The following GJC1 variants were observed in gnomAD, a reference collection of about 807,000 sequenced individuals.
GJC1 encodes the protein gap junction protein gamma 1.
In GJC1, 5 loss-of-function variants were observed where a neutral mutation model predicts 29.3. That is an observed-to-expected ratio of 0.17 (90% confidence interval 0.09 to 0.36). The LOEUF (loss-of-function observed/expected upper bound fraction) is 0.36, where lower values mean the gene tolerates loss of function less well. Among genes scored for constraint, GJC1 ranks in the 10% least tolerant of loss-of-function variants. The pLI is 1.00. For synonymous variants in GJC1, 177 were observed against 183.3 expected, an observed-to-expected ratio of 0.97 and a Z score of 0.28; for missense variants, 310 against 496.2, an observed-to-expected ratio of 0.62 and a Z score of 3.56.
chr17:44,815,797 G>A (rs894618218), intron 1 of GJC1, among the ~76,000 whole-genome samples: 3 of 151,766 alleles, frequency 2.0e-5, no homozygotes, highest in Admixed American at 1.3e-4. Flanking sequence ...TTATAGAATC[G>A]TATCAATTCT....
At chr17:44,812,225 T>C (rs919529842) in intron 1 of GJC1, among the ~76,000 whole-genome samples, 2 of 151,962 alleles carry the variant, frequency 1.3e-5, no homozygotes, top group Non-Finnish European at 2.9e-5. Flanking sequence ...AAGCTGAGGC[T>C]GAGGCAGGAG....
chr17:44,821,347 T>C (rs2050103391), intron 1 of GJC1, among the ~76,000 whole-genome samples: 1 of 152,088 alleles, frequency 6.6e-6, no homozygotes, highest in Non-Finnish European at 1.5e-5. Context: ...CAAAAATAAA[T>C]GTATGATTTT....
chr17:44,794,443 T>C (rs1469672917), downstream of GJC1: 1 of 152,268 alleles, frequency 6.6e-6, no homozygotes, highest in Non-Finnish European at 1.5e-5. Flanking sequence ...AGTCAGAAGC[T>C]GAGTCTGTCC....
intron 1 of GJC1, among the ~76,000 whole-genome samples, chr17:44,825,770 G>A (rs1030418537): frequency 2.2e-5 from 3 of 134,462 alleles, no homozygotes; most frequent in African/African-American, 5.5e-5. Context: ...GTGAGACTCA[G>A]TCTCAAAAGA....
downstream of GJC1, among the ~76,000 whole-genome samples, chr17:44,798,010 G>A (rs2049794789): frequency 6.6e-6 from 1 of 152,170 alleles, no homozygotes; most frequent in Non-Finnish European, 1.5e-5. Context: ...TGACTCTGCT[G>A]CCGCAAAGGG....
chr17:44,802,401 G>A lies in GJC1; in HGVS notation c.*2226C>T, dbSNP rs1183985211. The A allele has an allele frequency of 6.6e-6, 1 of 152,188 alleles. No individual in the cohort carries two copies. The highest frequency in any genetic ancestry group is 1.5e-5 in the Non-Finnish European group (1 of 68,040). The allele number at this position is 152,188 out of a possible 1,614,324, so 9.4% of individuals were successfully genotyped here. A position where few individuals can be genotyped will look rare whatever the true frequency, so the allele number is the denominator to read the frequency against. On this transcript the variant is annotated 3_prime_UTR_variant, in exon 3 of 3. Coordinates refer to ENST00000592524, the MANE Select transcript of GJC1 (RefSeq NM_005497.4). ...ATTAAAAAACCTGCTGGAAGCTCCAGTGATGTTAAGAATTAACTGGTAGTT... is the reference window on the plus strand; with the variant it reads ...ATTAAAAAACCTGCTGGAAGCTCCAATGATGTTAAGAATTAACTGGTAGTT...
At chr17:44,830,718 G>C (rs1597769247), upstream of GJC1, 3 of 398,698 alleles carry the variant, frequency 7.5e-6, no homozygotes, top group East Asian at 3.6e-5. This position sits in a 1 kb window ranked among gnomAD's most constrained non-coding sequence, Gnocchi z 4.3. Context: ...TGTAGCACGG[G>C]ATGCTAATGT....
intron 1 of GJC1, among the ~76,000 whole-genome samples, chr17:44,812,435 T>C (rs1159424892): frequency 6.6e-6 from 1 of 152,202 alleles, no homozygotes; most frequent in East Asian, 1.9e-4. Context: ...TATATCCTAC[T>C]GTTCAAGATC....
In GJC1 at chr17:44,804,576, G is replaced by T; in HGVS notation, c.*51C>A. ...CTCAATGGAAGTCATTATTCAGTGA[G>T]CTGCTGCTTACCATAAACTATGAAA... is the stretch of plus-strand genomic sequence containing the variant. On this transcript the variant is annotated 3_prime_UTR_variant, in exon 3 of 3. Coordinates refer to ENST00000592524, the MANE Select transcript of GJC1 (RefSeq NM_005497.4). The T allele has an allele frequency of 7.5e-7, 1 of 1,327,236 alleles. No individual in the cohort carries two copies. Among genetic ancestry groups the T allele is most frequent in the Non-Finnish European group, 1.1e-6 (1 of 944,148 alleles). The allele number at this position is 1,327,236 out of a possible 1,614,324, so 82.2% of individuals were successfully genotyped here. A position where few individuals can be genotyped will look rare whatever the true frequency, so the allele number is the denominator to read the frequency against.
At chr17:44,824,035 G>A (rs1203765353) in intron 1 of GJC1, among the ~76,000 whole-genome samples, 2 of 148,636 alleles carry the variant, frequency 1.3e-5, no homozygotes, top group African/African-American at 2.5e-5. Context: ...TTGAGATGGA[G>A]TCTTGCTCTG....
intron 1 of GJC1, among the ~76,000 whole-genome samples, chr17:44,811,727 G>T (rs1030826734): frequency 6.6e-6 from 1 of 151,998 alleles, no homozygotes; most frequent in African/African-American, 2.4e-5. Flanking sequence ...AAAATAGGCC[G>T]GCGCGGTGGC....
chr17:44,825,051 A>C (rs562517056), intron 1 of GJC1, among the ~76,000 whole-genome samples: 24 of 151,668 alleles, frequency 1.6e-4, no homozygotes, highest in African/African-American at 5.3e-4. Flanking sequence ...TCTTCCAAAA[A>C]AAATTTTAAA....
At chr17:44,823,009 T>G (rs1302749880) in intron 1 of GJC1, among the ~76,000 whole-genome samples, 2 of 151,930 alleles carry the variant, frequency 1.3e-5, no homozygotes, top group African/African-American at 2.4e-5. Flanking sequence ...TAAAATAGAG[T>G]CCAGCTCTAA....
chr17:44,807,965 G>C (rs2049930759), intron 1 of GJC1: 1 of 152,130 alleles, frequency 6.6e-6, no homozygotes, highest in South Asian at 2.1e-4. Context: ...GTCTCCATGG[G>C]AGGTGATTTA....
rs144188962 is a variant in GJC1 at position 44,827,793 on chromosome 17, G to C, written c.-97+2269C>G. 3.9e-3 allele frequency among the ~76,000 whole-genome samples: 600 copies of C among 152,176 alleles called. 5 individuals are homozygous for C. Among genetic ancestry groups the C allele is most frequent in the African/African-American group, 0.014 (589 of 41,516 alleles). On this transcript the variant is annotated intron_variant, in intron 1 of 2. Coordinates refer to ENST00000592524, the MANE Select transcript of GJC1 (RefSeq NM_005497.4). ...TAAAACTACAAAAAAAAATTAGCCA[G>C]GCGTGGTGGCGGGTACCTGTAGTCC...
chr17:44,817,776 G>C (rs1258223493), intron 1 of GJC1, among the ~76,000 whole-genome samples: 1 of 151,744 alleles, frequency 6.6e-6, no homozygotes, highest in Non-Finnish European at 1.5e-5. Context: ...AAGTAGCAAA[G>C]CCAGAATTTG....
At position 44,809,277 on chromosome 17, in the gene GJC1, C is replaced by G. The variant is rs7214895; in HGVS notation, c.-96-1808G>C. Among the ~76,000 whole-genome samples, 567 of 152,252 alleles carry G rather than the reference C, an allele frequency of 3.7e-3. 4 individuals are homozygous for G. Among genetic ancestry groups the G allele is most frequent in the African/African-American group, 0.013 (557 of 41,564 alleles). On this transcript the variant is annotated intron_variant, in intron 1 of 2. Transcript: ENST00000592524. ...CTCTAACACAATAAAATTTCCAGTA[C>G]AGCTCCCATTTCTAGCCCTGTTTTC...
downstream of GJC1, chr17:44,794,163 A>G (rs554514271): frequency 1.3e-5 from 2 of 152,280 alleles, no homozygotes; most frequent in South Asian, 4.1e-4. Context: ...TAAGTGTTGC[A>G]TGACTGTAAC....
rs2050214080 is a variant in GJC1, at chr17:44,830,011, A to AC, written c.-97+50dup. 1 of 148,292 alleles carries AC rather than the reference A, an allele frequency of 6.7e-6. No individual in the cohort carries two copies. Among genetic ancestry groups the AC allele is most frequent in the Admixed American group, 6.7e-5 (1 of 15,024 alleles). 9.2% of individuals were successfully genotyped at this position (148,292 alleles called of 1,614,324 possible). On this transcript the variant is annotated intron_variant, in intron 1 of 2. Coordinates refer to ENST00000592524, the MANE Select transcript of GJC1 (RefSeq NM_005497.4). The surrounding 1 kb of genome is among the most constrained non-coding windows in gnomAD (Gnocchi z 4.3). ...AAGAGTTCTCCCGCCTCCCCCTGGG[A>AC]CCCCGCCCCTGGCCCGCTTCTCCTC...
Sources: gnomAD v4.1 joint callset for allele counts (sites outside exome capture counted in the v4.1 genomes callset) on GRCh38, gnomAD v4.1.1 for gene constraint, Gnocchi (gnomAD v3.1) non-coding constraint, MANE v1.5 for transcripts, NCBI Gene and HGNC (gene_info 2026-07-23, HGNC 2026-07-21) for gene names.